Variants in PTCD2 observed in about 807,000 individuals in gnomAD.
The protein encoded by PTCD2 is pentatricopeptide repeat-containing protein 2, mitochondrial.
In PTCD2, 31 loss-of-function variants were observed where a neutral mutation model predicts 42.6. The observed-to-expected ratio is 0.73, with a 90% confidence interval of 0.55 to 0.98. The LOEUF (loss-of-function observed/expected upper bound fraction) is 0.98, where lower values mean the gene tolerates loss of function less well. Ranked by LOEUF, PTCD2 falls within the 50% of genes least tolerant of loss-of-function variation. The pLI is 0.00. For missense variants in PTCD2, 476 were observed against 454.8 expected, an observed-to-expected ratio of 1.05 and a Z score of -0.42; for synonymous variants, 183 against 170.9, an observed-to-expected ratio of 1.07 and a Z score of -0.55.
chr5:72,354,752 C>CA lies in PTCD2; in HGVS notation c.942+2001dup, dbSNP rs1263137985. 5.3e-5 allele frequency among the ~76,000 whole-genome samples: 8 copies of CA among 152,202 alleles called. No homozygotes were observed. The South Asian group carries it at 8.3e-4, about 16-fold the overall frequency. On this transcript the variant is annotated intron_variant, in intron 9 of 9. Transcript: ENST00000380639. ...GGAGTATATTCTAAAAATATACTGG[C>CA]AAATATAAAGAAGTTGTATGTACAA...
Position 72,366,959 on chromosome 5 carries a change from C to A in PTCD2, c.*8532C>A, listed in dbSNP as rs1053632587. On this transcript the variant is annotated 3_prime_UTR_variant, in exon 10 of 10. Transcript: ENST00000380639. Reference sequence around the variant, plus strand: ...CCTCCCAAATTGAGAAGGAAAATCCCCCCAATTAACTGTTTGCCTTTATTA... The same window carrying A: ...CCTCCCAAATTGAGAAGGAAAATCCACCCAATTAACTGTTTGCCTTTATTA... 1 of 152,316 alleles carries A rather than the reference C, an allele frequency of 6.6e-6. No individual in the cohort carries two copies. Among genetic ancestry groups the A allele is most frequent in the South Asian group, 2.1e-4 (1 of 4,828 alleles). The allele number at this position is 152,316 out of a possible 1,614,324, so 9.4% of individuals were successfully genotyped here.
In PTCD2 at chr5:72,365,253, T is replaced by C. The variant is rs977022875; in HGVS notation, c.*6826T>C. On this transcript the variant is annotated 3_prime_UTR_variant, in exon 10 of 10. Transcript: ENST00000380639. ...AGGCATCACGGTCTGTGAACTGGTC[T>C]GTGAACTGCGGGCCTGCCTGGAAAT... is the stretch of plus-strand genomic sequence containing the variant. 1.3e-5 allele frequency: 2 copies of C among 152,290 alleles called. No homozygotes were observed. Among genetic ancestry groups the C allele is most frequent in the African/African-American group, 2.4e-5 (1 of 41,458 alleles). The allele number at this position is 152,290 out of a possible 1,614,324, so 9.4% of individuals were successfully genotyped here. A position where few individuals can be genotyped will look rare whatever the true frequency, so the allele number is the denominator to read the frequency against.
At chr5:72,352,339 G>A (rs1457719653) in intron 8 of PTCD2, among the ~76,000 whole-genome samples, 2 of 152,066 alleles carry the variant, frequency 1.3e-5, no homozygotes, top group African/African-American at 4.8e-5. Context: ...GTAGAGATGG[G>A]GTTTCACCAT....
chr5:72,354,186 A>G (rs867607977), intron 9 of PTCD2, among the ~76,000 whole-genome samples: 1 of 152,046 alleles, frequency 6.6e-6, no homozygotes, highest in Non-Finnish European at 1.5e-5. Context: ...CAGGCGGATC[A>G]TGAGGTCAGG....
At chr5:72,357,178 A>G (rs1752916948) in intron 9 of PTCD2, among the ~76,000 whole-genome samples, 1 of 152,182 alleles carries the variant, frequency 6.6e-6, no homozygotes, top group African/African-American at 2.4e-5. Flanking sequence ...CAGCCGTCTC[A>G]ATCAGGTCCA....
chr5:72,340,434 G>A (rs566022663), intron 7 of PTCD2, among the ~76,000 whole-genome samples: 2 of 152,160 alleles, frequency 1.3e-5, no homozygotes, highest in South Asian at 2.1e-4. Context: ...AAATGGGAAT[G>A]CCTTTTCTAC....
At chr5:72,323,488 G>A (rs1157831471) in intron 2 of PTCD2, among the ~76,000 whole-genome samples, 1 of 151,756 alleles carries the variant, frequency 6.6e-6, no homozygotes, top group African/African-American at 2.4e-5. Context: ...GGGGGTTGTG[G>A]ATATACCTCC....
rs1329478213 is a variant in PTCD2 at position 72,352,626 on chromosome 5, C to T, written c.829-15C>T. 4 of 1,331,156 alleles carry T rather than the reference C, an allele frequency of 3.0e-6. No individual in the cohort carries two copies. Among genetic ancestry groups the T allele is most frequent in the Non-Finnish European group, 4.3e-6 (4 of 928,444 alleles). 82.5% of individuals were successfully genotyped at this position (1,331,156 alleles called of 1,614,324 possible). A position where few individuals can be genotyped will look rare whatever the true frequency, so the allele number is the denominator to read the frequency against. ...CACTCAGTCTTGGTTTTGCTTGTGTCTTCTTAATATTCAGATTATAATCCA... is the reference window on the plus strand; with the variant it reads ...CACTCAGTCTTGGTTTTGCTTGTGTTTTCTTAATATTCAGATTATAATCCA... On this transcript the variant is annotated splice_polypyrimidine_tract_variant and intron_variant, in intron 8 of 9. Transcript: ENST00000380639.
chr5:72,326,840 A>G (rs1381077920), intron 3 of PTCD2, 99 bp downstream of exon 3: 13 of 1,186,208 alleles, frequency 1.1e-5, no homozygotes, highest in Non-Finnish European at 1.6e-5. Context: ...CCACCTCTAT[A>G]CTAGTGACTT....
chr5:72,351,802 A>G (rs1342432404), intron 8 of PTCD2, among the ~76,000 whole-genome samples: 1 of 152,154 alleles, frequency 6.6e-6, no homozygotes, highest in African/African-American at 2.4e-5. Context: ...ATCATTCGAG[A>G]TGAAATTTGG....
chr5:72,354,382 GAAAAAAAA>G (rs35170727), intron 9 of PTCD2, among the ~76,000 whole-genome samples: 3 of 29,814 alleles, frequency 1.0e-4, no homozygotes, highest in Admixed American at 5.6e-4. Context: ...GACTCCATCT[GAAAAAAAA>G]AAAAAAAAAA....
rs543193888 is a variant in PTCD2, at chr5:72,349,544, A to G, written c.829-3097A>G. Among the ~76,000 whole-genome samples the G allele has an allele frequency of 3.9e-5, 6 of 152,326 alleles. No individual in the cohort carries two copies. The East Asian group carries it at 1.2e-3, about 29-fold the overall frequency. The stretch of plus-strand genomic sequence containing the variant: ...AAAAATAAAAGAAACAAGAAATGTA[A>G]ATTTCTGCATCCTCAGGGCTTCTGT... On this transcript the variant is annotated intron_variant, in intron 8 of 9. Transcript: ENST00000380639.
At chr5:72,331,491 G>C in intron 4 of PTCD2, 116 bp downstream of exon 4, 1 of 775,880 alleles carries the variant, frequency 1.3e-6, no homozygotes, top group Non-Finnish European at 2.3e-6. Context: ...AGGCTGCTGG[G>C]GCTGAATGAG....
chr5:72,354,914 C>T (rs191203923), intron 9 of PTCD2, among the ~76,000 whole-genome samples: 21 of 152,302 alleles, frequency 1.4e-4, no homozygotes, highest in African/African-American at 4.8e-4. Flanking sequence ...ACATCATATA[C>T]TGCTATGGAT....
rs966500714 is a variant in PTCD2 at position 72,366,192 on chromosome 5, G to C, written c.*7765G>C. ...GACTGCGCCATTGCACTCTAGCCTA[G>C]GCGACAAGAGCGAAACTATGTTTCA... On this transcript the variant is annotated 3_prime_UTR_variant, in exon 10 of 10. Coordinates refer to ENST00000380639, the MANE Select transcript of PTCD2 (RefSeq NM_024754.5). 1 of 152,156 alleles carries C rather than the reference G, an allele frequency of 6.6e-6. No homozygotes were observed. The highest frequency in any genetic ancestry group is 2.4e-5 in the African/African-American group (1 of 41,430). 9.4% of individuals were successfully genotyped at this position (152,156 alleles called of 1,614,324 possible).
intron 3 of PTCD2, among the ~76,000 whole-genome samples, chr5:72,328,940 T>C (rs1403400311): frequency 6.6e-6 from 1 of 152,210 alleles, no homozygotes; most frequent in Non-Finnish European, 1.5e-5. Context: ...AGTTTATCAA[T>C]ATATAACTGT....
chr5:72,366,242 T>TA lies in PTCD2; in HGVS notation c.*7816dup, dbSNP rs1330575556. 2.0e-4 allele frequency: 31 copies of TA among 152,086 alleles called. No individual in the cohort carries two copies. Among genetic ancestry groups the TA allele is most frequent in the Non-Finnish European group, 5.9e-5 (4 of 68,016 alleles). The allele number at this position is 152,086 out of a possible 1,614,324, so 9.4% of individuals were successfully genotyped here. A position where few individuals can be genotyped will look rare whatever the true frequency, so the allele number is the denominator to read the frequency against. On this transcript the variant is annotated 3_prime_UTR_variant, in exon 10 of 10. Transcript: ENST00000380639. ...AAATAATAATAATAATAATAAGACT[T>TA]ACCATTTGCCAGGTCCTGTGCAAAG...
chr5:72,341,904 G>C (rs1174295977), intron 7 of PTCD2, among the ~76,000 whole-genome samples: 1 of 151,714 alleles, frequency 6.6e-6, no homozygotes, highest in Non-Finnish European at 1.5e-5. Flanking sequence ...AATTATCCAG[G>C]CATGGTGGCG....
chr5:72,335,154 C>G, intron 5 of PTCD2, 58 bp downstream of exon 5: 1 of 973,152 alleles, frequency 1.0e-6, no homozygotes, highest in Non-Finnish European at 1.6e-6. Flanking sequence ...GGCATAGGAA[C>G]TAGGGGGAAA....
Sources: gnomAD v4.1 joint callset for allele counts (sites outside exome capture counted in the v4.1 genomes callset) on GRCh38, gnomAD v4.1.1 for gene constraint, MANE v1.5 for transcripts, NCBI Gene and HGNC (gene_info 2026-07-23, HGNC 2026-07-21) for gene names.